NCAM2: variants seen among roughly 807,000 people sequenced by gnomAD.
NCAM2 encodes the protein N-CAM-2.
NCAM2 carries 30 observed loss-of-function variants against 98.1 expected under a neutral mutation model. The ratio of observed to expected loss-of-function variants is 0.31; its 90% CI spans 0.23 to 0.41. NCAM2 has a LOEUF of 0.41. Among genes scored for constraint, NCAM2 ranks in the 10% least tolerant of loss-of-function variants. The pLI is 1.00. For missense variants in NCAM2, 867 were observed against 1,005.8 expected (o/e 0.86, Z 1.87); for synonymous variants, 368 against 342.4 (o/e 1.07, Z -0.83).
chr21:21,004,761 GTTA>G (rs2064081488), intron 1 of NCAM2, among the ~76,000 whole-genome samples: 1 of 152,030 alleles, frequency 6.6e-6, no homozygotes, highest in Non-Finnish European at 1.5e-5. Context: ...CTATTAGCTT[GTTA>G]TTATTACGAT....
chr21:21,346,091 A>G (rs540517030), intron 8 of NCAM2, among the ~76,000 whole-genome samples: 56 of 151,996 alleles, frequency 3.7e-4, no homozygotes, highest in African/African-American at 1.3e-3. Context: ...ATCAAAAGAC[A>G]TAGACTGGCT....
chr21:21,293,981 TATTA>T (rs2073387842), intron 5 of NCAM2, among the ~76,000 whole-genome samples: 1 of 151,634 alleles, frequency 6.6e-6, no homozygotes, highest in Non-Finnish European at 1.5e-5. Context: ...TACACTAAAA[TATTA>T]ATTCAAGTTT....
intron 8 of NCAM2, among the ~76,000 whole-genome samples, chr21:21,355,955 C>T (rs905274588): frequency 5.9e-5 from 9 of 152,100 alleles, no homozygotes; most frequent in African/African-American, 1.9e-4. Context: ...CAATTAATTT[C>T]GCATCAACAC....
chr21:21,304,573 A>G (rs923885951), intron 5 of NCAM2, among the ~76,000 whole-genome samples: 10 of 152,132 alleles, frequency 6.6e-5, no homozygotes, highest in Admixed American at 3.3e-4. Flanking sequence ...TTAATATAGA[A>G]TAAAATACTC....
intron 12 of NCAM2, among the ~76,000 whole-genome samples, chr21:21,440,712 A>AGAAAT (rs1396345991): frequency 6.7e-6 from 1 of 150,308 alleles, no homozygotes; most frequent in African/African-American, 2.4e-5. Context: ...AGAAAAGAAA[A>AGAAAT]GAAAAAACAG....
Position 21,533,166 on chromosome 21 carries a change from C to CTTTTTTTTTTTTTTTTTT in NCAM2, c.2283-1358_2283-1357insTTTTTTTTTTTTTTTTTT, listed in dbSNP as rs201532023. On this transcript the variant is annotated intron_variant, in intron 16 of 17. Transcript: ENST00000400546. ...CCATTGTAGATTTGTTGTTTGCTTG[C>CTTTTTTTTTTTTTTTTTT]TTTTTTTTTTTTTGGTAATCCTAGT... Among the ~76,000 whole-genome samples, 47 of 93,788 alleles carry CTTTTTTTTTTTTTTTTTT rather than the reference C, an allele frequency of 5.0e-4. 2 individuals carry two copies. The highest frequency in any genetic ancestry group is 9.5e-4 in the South Asian group (3 of 3,152). The allele number at this position is 93,788 out of a possible 152,430, so 61.5% of individuals were successfully genotyped here.
At chr21:21,496,527 C>G (rs774844417) in intron 15 of NCAM2, among the ~76,000 whole-genome samples, 1 of 151,866 alleles carries the variant, frequency 6.6e-6, no homozygotes, top group African/African-American at 2.4e-5. Context: ...TTGTAGGATG[C>G]GTTGTTCGTG....
intron 1 of NCAM2, among the ~76,000 whole-genome samples, chr21:21,235,180 C>CTT (rs199910404): frequency 0.018 from 2,670 of 151,552 alleles, 82 homozygotes; most frequent in African/African-American, 0.062. Context: ...TTTTAACATG[C>CTT]TTTAGTAAGA....
chr21:21,450,946 G>T, intron 12 of NCAM2, among the ~76,000 whole-genome samples: 1 of 148,120 alleles, frequency 6.8e-6, no homozygotes, highest in East Asian at 2.0e-4. Flanking sequence ...AAGGGTGGGA[G>T]AAAGAAGTAG....
intron 1 of NCAM2, among the ~76,000 whole-genome samples, chr21:21,136,464 CTTT>C (rs10540758): frequency 0.43 from 62,812 of 146,732 alleles, 13,553 homozygotes; most frequent in African/African-American, 0.55. Context: ...CAATTTATCT[CTTT>C]TTTTTTTTTT....
chr21:21,219,650 T>G (rs1056955174), intron 1 of NCAM2, among the ~76,000 whole-genome samples: 5 of 152,160 alleles, frequency 3.3e-5, no homozygotes, highest in African/African-American at 1.2e-4. Context: ...TGTTACAGGT[T>G]TAGATATTTA....
chr21:21,105,754 C>T (rs2066330945), intron 1 of NCAM2, among the ~76,000 whole-genome samples: 1 of 152,082 alleles, frequency 6.6e-6, no homozygotes, highest in South Asian at 2.1e-4. Context: ...GATATAGAGT[C>T]TCTAAAGCCA....
intron 1 of NCAM2, among the ~76,000 whole-genome samples, chr21:21,107,682 G>C (rs1303077961): frequency 2.0e-5 from 3 of 152,186 alleles, no homozygotes; most frequent in East Asian, 1.9e-4. Flanking sequence ...GGGGCTTACT[G>C]TGGTAACTCA....
At chr21:21,311,335 A>ATTT (rs57458011) in intron 5 of NCAM2, among the ~76,000 whole-genome samples, 4 of 108,592 alleles carry the variant, frequency 3.7e-5, no homozygotes, top group Admixed American at 1.0e-4. Flanking sequence ...AATATGGGGC[A>ATTT]TTTTTTTTTT....
intron 16 of NCAM2, among the ~76,000 whole-genome samples, chr21:21,526,581 C>T (rs1156873464): frequency 1.3e-5 from 2 of 151,970 alleles, no homozygotes; most frequent in Admixed American, 6.6e-5. Flanking sequence ...TCAGTGTAAT[C>T]CCAACAAAAT....
chr21:21,158,100 G>C (rs573164140), intron 1 of NCAM2, among the ~76,000 whole-genome samples: 1 of 152,156 alleles, frequency 6.6e-6, no homozygotes, highest in East Asian at 1.9e-4. Context: ...ACTGCAGAAG[G>C]CATACGTATA....
At chr21:21,320,955 A>G (rs1293780029) in intron 5 of NCAM2, among the ~76,000 whole-genome samples, 5 of 152,164 alleles carry the variant, frequency 3.3e-5, no homozygotes, top group Non-Finnish European at 5.9e-5. Flanking sequence ...ATGGAAAGAG[A>G]TGTGTTAATG....
chr21:21,373,747 G>A, intron 8 of NCAM2, 116 bp from the exon 9 acceptor site: 1 of 941,818 alleles, frequency 1.1e-6, no homozygotes, highest in African/African-American at 1.7e-5. Context: ...ATCAGGAACA[G>A]TTTCTTTTTT....
intron 1 of NCAM2, among the ~76,000 whole-genome samples, chr21:21,043,040 G>C (rs939204254): frequency 6.6e-6 from 1 of 152,056 alleles, no homozygotes; most frequent in South Asian, 2.1e-4. Flanking sequence ...GAAATGGAAG[G>C]CATTCTTTTC....
Sources: gnomAD v4.1 joint callset for allele counts (sites outside exome capture counted in the v4.1 genomes callset) on GRCh38, gnomAD v4.1.1 for gene constraint, MANE v1.5 for transcripts, NCBI Gene and HGNC (gene_info 2026-07-23, HGNC 2026-07-21) for gene names.